Variants in KIAA1671 observed in about 807,000 individuals in gnomAD.
KIAA1671 encodes KIAA1671.
In KIAA1671, 52 loss-of-function variants were observed where a neutral mutation model predicts 131.2. That is an observed-to-expected ratio of 0.40 (90% CI 0.32 to 0.50). The LOEUF is 0.50. KIAA1671 is among the 20% of genes least tolerant of loss of function. The probability of loss-of-function intolerance (pLI) is 0.73; values close to 1 mark genes in which losing one functional copy is unlikely to be tolerated. For missense variants in KIAA1671, 2,360 were observed against 2,364.2 expected (o/e 1.00, Z 0.04); for synonymous variants, 1,003 against 961.6 (o/e 1.04, Z -0.80).
At chr22:25,188,732 T>C (rs144753375) in intron 11 of KIAA1671, among the ~76,000 whole-genome samples, 193 of 152,302 alleles carry the variant, frequency 1.3e-3, no homozygotes, top group African/African-American at 4.4e-3. Flanking sequence ...AGAGAAAATA[T>C]ATTTCCTGTT....
chr22:25,045,116 A>G (rs1927151002), intron 5 of KIAA1671, among the ~76,000 whole-genome samples: 1 of 152,094 alleles, frequency 6.6e-6, no homozygotes, highest in Non-Finnish European at 1.5e-5. Context: ...AGCCAAGATC[A>G]CGCCACTGCA....
chr22:25,121,658 G>C (rs1453378409), intron 6 of KIAA1671, among the ~76,000 whole-genome samples: 1 of 152,098 alleles, frequency 6.6e-6, no homozygotes, highest in African/African-American at 2.4e-5. Context: ...CTTCTAACTA[G>C]TTTTCACTAA....
chr22:25,040,983 G>A lies in KIAA1671; in HGVS notation c.3853G>A (p.Glu1285Lys). Reference protein sequence around the residue: ...GLGKQLAETLETAMGTKSSPP... With the variant: ...GLGKQLAETLKTAMGTKSSPP... ...AGGCAAGCAGCTGGCAGAGACCTTG[G>A]AGACAGCCATGGGCACCAAATCTAG... Residue 1285 changes from glutamate (E) to lysine (K), a missense_variant, in exon 5 of 13, where the codon GAG becomes AAG. Glu to Lys is a moderately conservative substitution (Grantham distance 56). Transcript: ENST00000358431. 8.1e-6 allele frequency: 12 copies of A among 1,475,594 alleles called. No homozygotes were observed. The highest frequency in any genetic ancestry group is 1.1e-5 in the Non-Finnish European group (12 of 1,112,908). 91.4% of individuals were successfully genotyped at this position (1,475,594 alleles called of 1,614,324 possible).
intron 6 of KIAA1671, chr22:25,061,008 C>A (rs1206113679): frequency 6.6e-6 from 1 of 152,210 alleles, no homozygotes; most frequent in Non-Finnish European, 1.5e-5. Flanking sequence ...GTGAACCTGA[C>A]ATCAGAGCTG....
At position 25,032,591 on chromosome 22, in the gene KIAA1671, C is replaced by T; in HGVS notation, c.1542-18C>T. ...ACAGCTTCCAGCTCCATGAAGGTAA[C>T]TCAGATCTCTGTACCAGGTTTTCAA... On this transcript the variant is annotated intron_variant, in intron 3 of 12. Transcript: ENST00000358431. The T allele has an allele frequency of 2.0e-6, 3 of 1,514,966 alleles. No individual in the cohort carries two copies. Among genetic ancestry groups the T allele is most frequent in the Non-Finnish European group, 2.7e-6 (3 of 1,115,138 alleles). 93.8% of individuals were successfully genotyped at this position (1,514,966 alleles called of 1,614,324 possible).
intron 6 of KIAA1671, among the ~76,000 whole-genome samples, chr22:25,158,042 T>C (rs1467023549): frequency 6.6e-6 from 1 of 152,176 alleles, no homozygotes; most frequent in Non-Finnish European, 1.5e-5. Context: ...AGGATGGTCT[T>C]GATCTCCTGA....
At position 25,041,525 on chromosome 22, in the gene KIAA1671, G is replaced by A. The variant is rs1354418314; in HGVS notation, c.4395G>A (p.Lys1465=). Reference sequence around the variant, plus strand: ...AGTCAGGGACTGGAGACAGTCACAAGGTAAGTACCGAGACACTTTTTAATT... The same window carrying A: ...AGTCAGGGACTGGAGACAGTCACAAAGTAAGTACCGAGACACTTTTTAATT... ...WWESGTGDSH[K]VLPRDLEKED... The change falls in exon 5 of 13, where the codon AAG becomes AAA. Residue 1465 remains lysine, a splice_region_variant and synonymous_variant. Coordinates refer to ENST00000358431, the MANE Select transcript of KIAA1671 (RefSeq NM_001145206.2). The A allele has an allele frequency of 2.0e-6, 3 of 1,529,134 alleles. No individual in the cohort carries two copies. The highest frequency in any genetic ancestry group is 2.4e-5 in the South Asian group (2 of 81,762). 94.7% of individuals were successfully genotyped at this position (1,529,134 alleles called of 1,614,324 possible).
At chr22:24,997,338 C>T (rs922773853) in intron 1 of KIAA1671, among the ~76,000 whole-genome samples, 6 of 152,132 alleles carry the variant, frequency 3.9e-5, no homozygotes, top group Non-Finnish European at 5.9e-5. Context: ...ACTGATGTCA[C>T]TCAGGAAAAA....
intron 6 of KIAA1671, among the ~76,000 whole-genome samples, chr22:25,123,753 C>A (rs1932053947): frequency 6.6e-6 from 1 of 152,218 alleles, no homozygotes; most frequent in Non-Finnish European, 1.5e-5. Context: ...TCATGAGATA[C>A]CCTGAGCCAG....
In KIAA1671 at chr22:25,194,918, C is replaced by T. The variant is rs1321037358; in HGVS notation, c.*2517C>T. 1 of 152,168 alleles carries T rather than the reference C, an allele frequency of 6.6e-6. No individual in the cohort carries two copies. Among genetic ancestry groups the T allele is most frequent in the Admixed American group, 6.5e-5 (1 of 15,278 alleles). The allele number at this position is 152,168 out of a possible 1,614,324, so 9.4% of individuals were successfully genotyped here. A position where few individuals can be genotyped will look rare whatever the true frequency, so the allele number is the denominator to read the frequency against. ...GATAGCTGGGCAAATGGGTGATTTA[C>T]TTATCCCCATTCTAAATGGAGTGAG... On this transcript the variant is annotated 3_prime_UTR_variant, in exon 13 of 13. Coordinates refer to ENST00000358431, the MANE Select transcript of KIAA1671 (RefSeq NM_001145206.2).
intron 6 of KIAA1671, among the ~76,000 whole-genome samples, chr22:25,067,988 C>T (rs1040041156): frequency 4.6e-5 from 7 of 152,280 alleles, no homozygotes; most frequent in Non-Finnish European, 8.8e-5. Flanking sequence ...CATCATCCCT[C>T]CAGCGGTGCC....
chr22:25,070,451 G>A lies in KIAA1671; in HGVS notation c.4530+21087G>A, dbSNP rs184105678. ...GGGGGGCAGTGCAGGCTCCAGGACG[G>A]GGTCACGTCCTTTCCCTCTCCTCCT... On this transcript the variant is annotated intron_variant, in intron 6 of 12. Coordinates refer to ENST00000358431, the MANE Select transcript of KIAA1671 (RefSeq NM_001145206.2). The A allele has an allele frequency of 3.2e-3, 1,394 of 437,344 alleles. 5 individuals carry two copies. The highest frequency in any genetic ancestry group is 4.4e-3 in the Non-Finnish European group (1,034 of 236,800). 27.1% of individuals were successfully genotyped at this position (437,344 alleles called of 1,614,324 possible).
intron 6 of KIAA1671, among the ~76,000 whole-genome samples, chr22:25,121,143 T>TA (rs1177043501): frequency 6.6e-6 from 1 of 152,314 alleles, no homozygotes; most frequent in Admixed American, 6.5e-5. Flanking sequence ...CAGGGAGTGT[T>TA]ACGTTTTCGG....
intron 12 of KIAA1671, 64 bp downstream of exon 12, chr22:25,190,848 G>A: frequency 1.8e-6 from 2 of 1,131,692 alleles, no homozygotes; most frequent in Non-Finnish European, 1.3e-6. Flanking sequence ...GGGGAACTCA[G>A]GGGGGCCACG....
chr22:25,149,259 G>C (rs1932960737), intron 6 of KIAA1671, among the ~76,000 whole-genome samples: 1 of 152,198 alleles, frequency 6.6e-6, no homozygotes, highest in Non-Finnish European at 1.5e-5. Flanking sequence ...GCCTGGGTCT[G>C]CCTAGCTCCA....
chr22:25,188,329 A>C (rs1934546121), intron 11 of KIAA1671, among the ~76,000 whole-genome samples: 1 of 143,648 alleles, frequency 7.0e-6, no homozygotes, highest in Admixed American at 7.2e-5. Context: ...GTTTAAACAA[A>C]TCTCACCTCC....
At chr22:25,082,010 A>G (rs1400948752) in intron 6 of KIAA1671, among the ~76,000 whole-genome samples, 1 of 152,258 alleles carries the variant, frequency 6.6e-6, no homozygotes, top group African/African-American at 2.4e-5. Flanking sequence ...ACAGTGAGCT[A>G]TGGAAGGCTT....
intron 1 of KIAA1671, among the ~76,000 whole-genome samples, chr22:24,978,541 A>G (rs571477397): frequency 2.6e-5 from 4 of 152,278 alleles, no homozygotes; most frequent in African/African-American, 9.6e-5. Context: ...CTTCAAGGCT[A>G]CCTAGCTAGC....
Position 25,028,618 on chromosome 22 carries a change from G to A in KIAA1671, c.619G>A (p.Val207Ile). 2 of 1,550,524 alleles carry A rather than the reference G, an allele frequency of 1.3e-6. No individual in the cohort carries two copies. Among genetic ancestry groups the A allele is most frequent in the Non-Finnish European group, 1.7e-6 (2 of 1,146,830 alleles). Reference sequence around the variant, plus strand: ...CCTGTCTCAGGACACAAAACCACCTGTACCCCAAGAGGAGGCAGGCCAAGA... The same window carrying A: ...CCTGTCTCAGGACACAAAACCACCTATACCCCAAGAGGAGGCAGGCCAAGA... ...APLSQDTKPP[V>I]PQEEAGQDHP... Residue 207 changes from valine (V) to isoleucine (I), a missense_variant, in exon 3 of 13, where the codon GTA (valine) becomes ATA (isoleucine). Physicochemically the swap from Val to Ile is conservative, Grantham distance 29 (BLOSUM62 3). Coordinates refer to ENST00000358431, the MANE Select transcript of KIAA1671 (RefSeq NM_001145206.2).
Sources: allele counts gnomAD v4.1 joint callset (sites outside exome capture counted in the v4.1 genomes callset), GRCh38; gene constraint gnomAD v4.1.1; transcripts MANE v1.5; gene names NCBI Gene and HGNC (gene_info 2026-07-23, HGNC 2026-07-21).